The following BABAM2 variants were observed in gnomAD, a reference collection of about 807,000 sequenced individuals.
The protein encoded by BABAM2 is BRISC and BRCA1-A complex member 2.
BABAM2 carries 31 observed loss-of-function variants against 54.7 expected under a neutral mutation model. The observed-to-expected ratio is 0.57, with a 90% CI of 0.43 to 0.77. The LOEUF (loss-of-function observed/expected upper bound fraction) is 0.77, where lower values mean the gene tolerates loss of function less well. Ranked by LOEUF, BABAM2 falls within the 30% of genes least tolerant of loss-of-function variation. The pLI, the probability that BABAM2 is intolerant of heterozygous loss-of-function variation, is 0.00. For missense variants in BABAM2, 364 were observed against 455.8 expected (o/e 0.80, Z 1.83); for synonymous variants, 167 against 162.9 (o/e 1.03, Z -0.19).
intron 2 of BABAM2, among the ~76,000 whole-genome samples, chr2:27,903,098 C>T (rs180708862): frequency 6.6e-6 from 1 of 151,340 alleles, no homozygotes; most frequent in South Asian, 2.1e-4. Flanking sequence ...CCCCCACCCC[C>T]CCCACCGTAT....
chr2:28,123,330 C>T (rs759672746), intron 6 of BABAM2, among the ~76,000 whole-genome samples: 21 of 152,148 alleles, frequency 1.4e-4, no homozygotes, highest in South Asian at 2.1e-4. Context: ...CTTTACCGTA[C>T]GTGTGTCAGT....
chr2:28,280,242 G>T (rs1365849624), intron 10 of BABAM2, among the ~76,000 whole-genome samples: 4 of 151,252 alleles, frequency 2.6e-5, no homozygotes, highest in Non-Finnish European at 5.9e-5. Flanking sequence ...TTTATTTTTT[G>T]TAGAGATGGG....
rs1669816569 is a variant in BABAM2, at chr2:27,952,611, T to C, written c.205+22703T>C. ...TTATTATTCTGGCTCTTAAGGGCATTGAACTGTTCTCATCTCTGGGATATT... is the reference window on the plus strand; with the variant it reads ...TTATTATTCTGGCTCTTAAGGGCATCGAACTGTTCTCATCTCTGGGATATT... On this transcript the variant is annotated intron_variant, in intron 3 of 11. Transcript: ENST00000379624. 3.9e-5 allele frequency among the ~76,000 whole-genome samples: 6 copies of C among 152,230 alleles called. No homozygotes were observed. In the South Asian group the frequency reaches 1.0e-3, roughly 26 times the overall value.
At chr2:28,047,949 CAT>C (rs925714260) in intron 6 of BABAM2, among the ~76,000 whole-genome samples, 6 of 152,178 alleles carry the variant, frequency 3.9e-5, no homozygotes, top group African/African-American at 1.4e-4. Context: ...GTTGTTGTAA[CAT>C]GTGGTTATGC....
intron 5 of BABAM2, among the ~76,000 whole-genome samples, chr2:28,041,542 A>G (rs1315471014): frequency 8.5e-5 from 13 of 152,168 alleles, no homozygotes; most frequent in Admixed American, 8.5e-4. Context: ...GGGGTTTAGA[A>G]ATTGCTCATA....
chr2:28,170,813 G>A (rs1397892155), intron 7 of BABAM2, among the ~76,000 whole-genome samples: 2 of 152,120 alleles, frequency 1.3e-5, no homozygotes, highest in Non-Finnish European at 2.9e-5. Flanking sequence ...AACTTTGCAA[G>A]AAATTAATTT....
At chr2:28,251,917 G>A (rs1683524189) in intron 10 of BABAM2, among the ~76,000 whole-genome samples, 1 of 152,150 alleles carries the variant, frequency 6.6e-6, no homozygotes, top group African/African-American at 2.4e-5. Context: ...CAGGCTAGGT[G>A]CAGTGGCTCA....
Position 28,045,749 on chromosome 2 carries a change from CT to C in BABAM2, c.524del (p.Leu175Ter). Reference sequence around the variant, plus strand: ...GACTGGTGAATTTTCAGCTCGTTTCCTTTTGAAGCTGCCCGTAGATTTCAGC... The same window carrying C: ...GACTGGTGAATTTTCAGCTCGTTTCCTTTGAAGCTGCCCGTAGATTTCAGC... ...NWTGEFSARF[L>X]LKLPVDFSNI... On this transcript the variant is annotated frameshift_variant, in exon 6 of 12. Coordinates refer to ENST00000379624, the MANE Select transcript of BABAM2 (RefSeq NM_199191.3). LOFTEE classifies it high-confidence loss of function. 2 of 1,611,328 alleles carry C rather than the reference CT, an allele frequency of 1.2e-6. No homozygotes were observed. The highest frequency in any genetic ancestry group is 1.7e-6 in the Non-Finnish European group (2 of 1,178,226).
intron 3 of BABAM2, among the ~76,000 whole-genome samples, chr2:27,965,710 G>A (rs1298302089): frequency 6.6e-6 from 1 of 151,882 alleles, no homozygotes; most frequent in Non-Finnish European, 1.5e-5. Flanking sequence ...TATGTAAAAT[G>A]TGTGTGTGCT....
At chr2:28,125,640 A>G (rs1669461494) in intron 6 of BABAM2, among the ~76,000 whole-genome samples, 1 of 152,222 alleles carries the variant, frequency 6.6e-6, no homozygotes, top group African/African-American at 2.4e-5. Context: ...TTTGAAATGT[A>G]AAATGTTCAT....
At chr2:28,050,536 G>A (rs1677920627) in intron 6 of BABAM2, among the ~76,000 whole-genome samples, 1 of 152,130 alleles carries the variant, frequency 6.6e-6, no homozygotes, top group Non-Finnish European at 1.5e-5. Context: ...TTTGAGTGCG[G>A]TACTGTGCAG....
At chr2:28,033,266 T>A (rs958255017) in intron 5 of BABAM2, among the ~76,000 whole-genome samples, 13 of 152,166 alleles carry the variant, frequency 8.5e-5, no homozygotes, top group Non-Finnish European at 1.6e-4. Flanking sequence ...TATTGCCTTG[T>A]TAACATTTTT....
intron 6 of BABAM2, among the ~76,000 whole-genome samples, chr2:28,112,146 T>TTTCTTTCTTTCTTTCTTTC (rs1344247281): frequency 0.059 from 624 of 10,536 alleles, 206 homozygotes; most frequent in Non-Finnish European, 0.07. Context: ...TCTTTCTTTC[T>TTTCTTTCTTTCTTTCTTTC]TTACCTCCCT....
At chr2:28,048,144 A>G (rs1677737809) in intron 6 of BABAM2, among the ~76,000 whole-genome samples, 1 of 152,192 alleles carries the variant, frequency 6.6e-6, no homozygotes, top group Non-Finnish European at 1.5e-5. Context: ...AAACAAATAA[A>G]AGGGAAGGTA....
At position 28,048,505 on chromosome 2, in the gene BABAM2, G is replaced by A. The variant is rs555625000; in HGVS notation, c.570+2706G>A. ...TAACATAAACACGAAAAATATTTCT[G>A]TATTTATTAGGATTCTCATTTTGCA... On this transcript the variant is annotated intron_variant, in intron 6 of 11. Transcript: ENST00000379624. 5.3e-5 allele frequency among the ~76,000 whole-genome samples: 8 copies of A among 152,282 alleles called. 1 individual carries two copies. Among genetic ancestry groups the A allele is most frequent in the Admixed American group, 5.2e-4 (8 of 15,302 alleles).
intron 3 of BABAM2, among the ~76,000 whole-genome samples, chr2:27,938,128 T>C (rs1414611607): frequency 6.6e-6 from 1 of 152,204 alleles, no homozygotes; most frequent in East Asian, 1.9e-4. Flanking sequence ...AGCGTGGTTT[T>C]ATTTCTGGGC....
At chr2:28,001,120 GCATAT>G (rs1673548340) in intron 4 of BABAM2, among the ~76,000 whole-genome samples, 1 of 152,126 alleles carries the variant, frequency 6.6e-6, no homozygotes, top group South Asian at 2.1e-4. Flanking sequence ...AAGGAAATGT[GCATAT>G]CTATAAATAT....
chr2:28,236,388 G>A (rs994358227), intron 7 of BABAM2, among the ~76,000 whole-genome samples: 10 of 143,154 alleles, frequency 7.0e-5, no homozygotes, highest in Admixed American at 1.5e-4. Flanking sequence ...TTTTGAGACC[G>A]AGTCTCACTG....
At chr2:27,919,302 CA>C (rs1400805307) in intron 2 of BABAM2, among the ~76,000 whole-genome samples, 4 of 152,052 alleles carry the variant, frequency 2.6e-5, no homozygotes, top group Non-Finnish European at 5.9e-5. Flanking sequence ...ACATTTTCTG[CA>C]AAAAAGTAAG....
Sources: allele counts gnomAD v4.1 joint callset (sites outside exome capture counted in the v4.1 genomes callset), GRCh38; gene constraint gnomAD v4.1.1; transcripts MANE v1.5; gene names NCBI Gene and HGNC (gene_info 2026-07-23, HGNC 2026-07-21).